SNX13: variants seen among roughly 807,000 people sequenced by gnomAD.
SNX13 encodes sorting nexin 13, also known as sorting nexin-13.
A neutral mutation model predicts 133.6 loss-of-function variants in SNX13; 45 were observed. The observed-to-expected ratio is 0.34, with a 90% CI of 0.27 to 0.43. The LOEUF is 0.43. SNX13 is among the 20% of genes least tolerant of loss of function. The pLI is 1.00. For missense variants in SNX13, 1,032 were observed against 1,145.1 expected (o/e 0.90, Z 1.43); for synonymous variants, 414 against 373.9 (o/e 1.11, Z -1.24).
At chr7:17,917,232 G>A (rs1417230596) in intron 1 of SNX13, among the ~76,000 whole-genome samples, 1 of 152,108 alleles carries the variant, frequency 6.6e-6, no homozygotes, top group East Asian at 1.9e-4. Flanking sequence ...AAAGCTGGAA[G>A]CATTCCCCTA....
intron 9 of SNX13, among the ~76,000 whole-genome samples, chr7:17,853,950 TA>T (rs1306279612): frequency 1.8e-3 from 241 of 132,462 alleles, no homozygotes; most frequent in African/African-American, 6.4e-3. Flanking sequence ...CCAAAAAAAA[TA>T]AAAAAAGAAA....
chr7:17,926,616 T>C (rs901110191), intron 1 of SNX13, among the ~76,000 whole-genome samples: 1 of 152,222 alleles, frequency 6.6e-6, no homozygotes, highest in Non-Finnish European at 1.5e-5. Flanking sequence ...CCAGGCACAG[T>C]GGCTCACACC....
At chr7:17,902,302 G>C (rs1229753102) in intron 1 of SNX13, among the ~76,000 whole-genome samples, 1 of 137,920 alleles carries the variant, frequency 7.3e-6, no homozygotes, top group Non-Finnish European at 1.5e-5. Flanking sequence ...AAGTTTGAGA[G>C]AAATTTTTAA....
At chr7:17,921,409 C>T (rs1415189207) in intron 1 of SNX13, among the ~76,000 whole-genome samples, 1 of 152,184 alleles carries the variant, frequency 6.6e-6, no homozygotes, top group East Asian at 1.9e-4. Flanking sequence ...CCCTCCTAAA[C>T]TTTCCCTCTA....
At chr7:17,853,957 A>G (rs985833498) in intron 9 of SNX13, among the ~76,000 whole-genome samples, 1 of 151,940 alleles carries the variant, frequency 6.6e-6, no homozygotes, top group Non-Finnish European at 1.5e-5. Context: ...AAATAAAAAA[A>G]GAAAAAAAAA....
At chr7:17,872,023 C>G (rs1794178942) in intron 8 of SNX13, among the ~76,000 whole-genome samples, 1 of 152,162 alleles carries the variant, frequency 6.6e-6, no homozygotes, top group African/African-American at 2.4e-5. Context: ...TTGGACATTT[C>G]AGTTTTAAAA....
At chr7:17,799,368 T>C (rs1197439221) in intron 22 of SNX13, among the ~76,000 whole-genome samples, 2 of 151,772 alleles carry the variant, frequency 1.3e-5, no homozygotes, top group East Asian at 1.9e-4. Flanking sequence ...CAATAATGAA[T>C]AAATTTTAAG....
chr7:17,805,250 T>TGCGCGC (rs1554304275), intron 20 of SNX13, among the ~76,000 whole-genome samples: 25 of 95,558 alleles, frequency 2.6e-4, no homozygotes, highest in African/African-American at 6.6e-4. Context: ...TGTGTGTGTG[T>TGCGCGC]GCGTGCGCGC....
At chr7:17,869,343 G>A (rs1466250455) in intron 8 of SNX13, among the ~76,000 whole-genome samples, 1 of 151,820 alleles carries the variant, frequency 6.6e-6, no homozygotes, top group Non-Finnish European at 1.5e-5. Flanking sequence ...ATCTTCTCAA[G>A]GTCATTGTTT....
At chr7:17,833,524 T>C (rs915269831) in intron 15 of SNX13, among the ~76,000 whole-genome samples, 2 of 151,608 alleles carry the variant, frequency 1.3e-5, no homozygotes, top group African/African-American at 4.8e-5. Context: ...AACATGTAAA[T>C]AGAACTCATT....
chr7:17,905,422 C>T (rs899930373), intron 1 of SNX13, among the ~76,000 whole-genome samples: 1 of 152,210 alleles, frequency 6.6e-6, no homozygotes, highest in Admixed American at 6.5e-5. Context: ...GTAGTAAATA[C>T]CACATTGATT....
intron 9 of SNX13, among the ~76,000 whole-genome samples, chr7:17,857,887 G>A (rs551177661): frequency 2.6e-5 from 4 of 152,268 alleles, no homozygotes; most frequent in East Asian, 1.9e-4. Context: ...TATGAAAATC[G>A]ATAAGCATAA....
chr7:17,913,673 A>T (rs1799237209), intron 1 of SNX13, among the ~76,000 whole-genome samples: 1 of 151,936 alleles, frequency 6.6e-6, no homozygotes, highest in African/African-American at 2.4e-5. Flanking sequence ...AACTGATCAC[A>T]AGCAACATAC....
At chr7:17,862,662 T>A (rs1245658714) in intron 9 of SNX13, among the ~76,000 whole-genome samples, 1 of 152,230 alleles carries the variant, frequency 6.6e-6, no homozygotes, top group Non-Finnish European at 1.5e-5. Context: ...TATTCAATTG[T>A]ATCAATGTGT....
chr7:17,815,660 T>A (rs534170516), intron 19 of SNX13, among the ~76,000 whole-genome samples: 2 of 152,212 alleles, frequency 1.3e-5, no homozygotes, highest in South Asian at 4.1e-4. Flanking sequence ...CATTCAAGTG[T>A]TATATGGAAG....
In SNX13 at chr7:17,814,958, A is replaced by G; in HGVS notation, c.1954-14T>C. On this transcript the variant is annotated splice_polypyrimidine_tract_variant and intron_variant, in intron 19 of 25. Coordinates refer to ENST00000428135, the MANE Select transcript of SNX13 (RefSeq NM_015132.5). The stretch of plus-strand genomic sequence containing the variant: ...AGCTAACAGTAACTAACAAGAAAAA[A>G]AAAAAAAAGAAGAGATTATCTTAAA... The G allele has an allele frequency of 7.1e-7, 1 of 1,410,514 alleles. No individual in the cohort carries two copies. Among genetic ancestry groups the G allele is most frequent in the East Asian group, 3.0e-5 (1 of 33,614 alleles). The allele number at this position is 1,410,514 out of a possible 1,614,324, so 87.4% of individuals were successfully genotyped here.
At chr7:17,892,527 T>G (rs1334927833) in intron 3 of SNX13, among the ~76,000 whole-genome samples, 1 of 151,694 alleles carries the variant, frequency 6.6e-6, no homozygotes, top group East Asian at 1.9e-4. Flanking sequence ...CATATTAATA[T>G]GAGTCCTAAA....
At chr7:17,836,660 G>T (rs1583420349) in intron 13 of SNX13, among the ~76,000 whole-genome samples, 1 of 151,808 alleles carries the variant, frequency 6.6e-6, no homozygotes. Flanking sequence ...CAAACCAATG[G>T]GACTAGTTAA....
At chr7:17,931,493 G>C (rs1356587670) in intron 1 of SNX13, among the ~76,000 whole-genome samples, 1 of 152,110 alleles carries the variant, frequency 6.6e-6, no homozygotes, top group Non-Finnish European at 1.5e-5. Flanking sequence ...CACAACTCTA[G>C]CTCGAAAATA....
Sources: allele counts gnomAD v4.1 joint callset (sites outside exome capture counted in the v4.1 genomes callset), GRCh38; gene constraint gnomAD v4.1.1; transcripts MANE v1.5; gene names NCBI Gene and HGNC (gene_info 2026-07-23, HGNC 2026-07-21).